The following ADAMTS3 variants were observed in gnomAD, a reference collection of about 807,000 sequenced individuals.
ADAMTS3 encodes the protein ADAM metallopeptidase with thrombospondin type 1 motif 3.
In ADAMTS3, 73 loss-of-function variants were observed where a neutral mutation model predicts 129.0. That is an observed-to-expected ratio of 0.57 (90% confidence interval 0.47 to 0.69). ADAMTS3 has a LOEUF of 0.69. Among genes scored for constraint, ADAMTS3 ranks in the 30% least tolerant of loss-of-function variants. ADAMTS3 has a pLI of 0.00. For synonymous variants in ADAMTS3, 477 were observed against 510.8 expected (o/e 0.93, Z 0.89); for missense variants, 1,457 against 1,514.5 (o/e 0.96, Z 0.63).
chr4:72,297,044 G>A (rs1718828437), intron 18 of ADAMTS3, among the ~76,000 whole-genome samples: 1 of 152,096 alleles, frequency 6.6e-6, no homozygotes, highest in Non-Finnish European at 1.5e-5. Context: ...GTGATGTTGT[G>A]TCTTCAGGGC....
At chr4:72,398,510 G>A (rs1034023649) in intron 4 of ADAMTS3, among the ~76,000 whole-genome samples, 13 of 152,326 alleles carry the variant, frequency 8.5e-5, no homozygotes, top group African/African-American at 3.1e-4. Context: ...GGGAAGCGGA[G>A]GTTGCAGTGA....
intron 6 of ADAMTS3, among the ~76,000 whole-genome samples, chr4:72,322,320 T>A (rs1180761828): frequency 2.0e-5 from 3 of 152,214 alleles, no homozygotes; most frequent in Admixed American, 6.5e-5. Flanking sequence ...ATCAGGAGGA[T>A]TAACTATGGG....
chr4:72,397,465 T>C (rs1348598285), intron 4 of ADAMTS3, among the ~76,000 whole-genome samples: 1 of 151,812 alleles, frequency 6.6e-6, no homozygotes, highest in Non-Finnish European at 1.5e-5. Flanking sequence ...CTCAGGAACC[T>C]AAGGCAGGAG....
chr4:72,299,055 G>GTT (rs747290717), intron 17 of ADAMTS3, among the ~76,000 whole-genome samples: 3 of 48,728 alleles, frequency 6.2e-5, no homozygotes, highest in Admixed American at 2.3e-4. Context: ...TTTGCATTCT[G>GTT]TGTGTGTGTG....
At chr4:72,472,801 T>C (rs1719112264) in intron 3 of ADAMTS3, among the ~76,000 whole-genome samples, 1 of 152,156 alleles carries the variant, frequency 6.6e-6, no homozygotes, top group African/African-American at 2.4e-5. Context: ...ATAGCTTATG[T>C]TGACAATTGT....
intron 2 of ADAMTS3, among the ~76,000 whole-genome samples, chr4:72,564,685 G>C (rs1721981843): frequency 6.6e-6 from 1 of 152,124 alleles, no homozygotes. Context: ...GCTGAAGAGA[G>C]AAGGAAGGAG....
intron 4 of ADAMTS3, among the ~76,000 whole-genome samples, chr4:72,379,223 T>A (rs552123241): frequency 2.6e-5 from 4 of 151,972 alleles, no homozygotes; most frequent in Admixed American, 6.6e-5. Flanking sequence ...GGGATGGAGA[T>A]CTTGTGAATG....
intron 4 of ADAMTS3, among the ~76,000 whole-genome samples, chr4:72,412,765 GA>G (rs1722213145): frequency 6.6e-6 from 1 of 151,930 alleles, no homozygotes; most frequent in Admixed American, 6.6e-5. Flanking sequence ...CTTTTGCTCT[GA>G]CCCATGACCA....
intron 3 of ADAMTS3, among the ~76,000 whole-genome samples, chr4:72,457,738 T>A (rs1332485875): frequency 6.6e-6 from 1 of 151,724 alleles, no homozygotes; most frequent in Non-Finnish European, 1.5e-5. Flanking sequence ...GGTTGTTTAC[T>A]ACATGATACT....
At chr4:72,347,640 G>T (rs1185490405) in intron 4 of ADAMTS3, among the ~76,000 whole-genome samples, 1 of 151,650 alleles carries the variant, frequency 6.6e-6, no homozygotes, top group Non-Finnish European at 1.5e-5. Flanking sequence ...ACATTTTACT[G>T]CTCTAAACAT....
At chr4:72,491,760 T>C (rs1719750993) in intron 3 of ADAMTS3, among the ~76,000 whole-genome samples, 1 of 151,828 alleles carries the variant, frequency 6.6e-6, no homozygotes, top group Non-Finnish European at 1.5e-5. Context: ...CTGGTTTTAG[T>C]AGCAGGGAGA....
chr4:72,315,740 G>A (rs1053091625), intron 11 of ADAMTS3, 118 bp downstream of exon 11: 87 of 630,002 alleles, frequency 1.4e-4, no homozygotes, highest in South Asian at 2.1e-4. Flanking sequence ...ATAAAGCCTT[G>A]CATACTATGG....
intron 5 of ADAMTS3, among the ~76,000 whole-genome samples, chr4:72,337,225 CTATT>C (rs920154699): frequency 6.6e-6 from 1 of 152,084 alleles, no homozygotes; most frequent in Admixed American, 6.6e-5. Context: ...CTCTGATACT[CTATT>C]TACTTTAGAA....
intron 4 of ADAMTS3, among the ~76,000 whole-genome samples, chr4:72,370,569 G>A (rs1279947109): frequency 6.6e-6 from 1 of 151,974 alleles, no homozygotes; most frequent in East Asian, 1.9e-4. Context: ...CCAACATGGC[G>A]AAATCCCATC....
At chr4:72,479,369 G>C (rs1379974082) in intron 3 of ADAMTS3, among the ~76,000 whole-genome samples, 1 of 152,112 alleles carries the variant, frequency 6.6e-6, no homozygotes, top group African/African-American at 2.4e-5. Context: ...GAACAGAAAA[G>C]AGCCCTCAGA....
intron 20 of ADAMTS3, 53 bp from the exon 21 acceptor site, chr4:72,288,921 C>CAG: frequency 4.1e-6 from 3 of 735,196 alleles, no homozygotes; most frequent in Non-Finnish European, 4.6e-6. Flanking sequence ...AGACCATGCA[C>CAG]ATACACACAC....
At chr4:72,463,400 C>T (rs1394364279) in intron 3 of ADAMTS3, among the ~76,000 whole-genome samples, 1 of 151,970 alleles carries the variant, frequency 6.6e-6, no homozygotes, top group Non-Finnish European at 1.5e-5. Flanking sequence ...ATATTTTTGT[C>T]AGGTTATTTA....
intron 3 of ADAMTS3, among the ~76,000 whole-genome samples, chr4:72,420,520 T>C (rs1029933223): frequency 6.6e-6 from 1 of 152,200 alleles, no homozygotes; most frequent in Non-Finnish European, 1.5e-5. Context: ...CACTGTTGTT[T>C]CCACTGCACT....
rs1324799727 is a variant in ADAMTS3 at position 72,455,988 on chromosome 4, CTATATATATTTTACATAT to C, written c.505-41035_505-41018del. 6.3e-3 allele frequency among the ~76,000 whole-genome samples: 85 copies of C among 13,508 alleles called. 4 individuals carry two copies. Among genetic ancestry groups the C allele is most frequent in the Admixed American group, 8.5e-3 (5 of 588 alleles). 8.9% of individuals were successfully genotyped at this position (13,508 alleles called of 152,430 possible). On this transcript the variant is annotated intron_variant, in intron 3 of 21. Transcript: ENST00000286657. ...ATATATTTTACATATAGTATATATA[CTATATATATTTTACATAT>C]AGTATATATACTATATATATATTTT...
Sources: allele counts gnomAD v4.1 joint callset (sites outside exome capture counted in the v4.1 genomes callset), GRCh38; gene constraint gnomAD v4.1.1; transcripts MANE v1.5; gene names NCBI Gene and HGNC (gene_info 2026-07-23, HGNC 2026-07-21).